GPR107: variants seen among roughly 807,000 people sequenced by gnomAD.
GPR107 encodes the protein G protein-coupled receptor 107.
GPR107 carries 31 observed loss-of-function variants against 75.5 expected under a neutral mutation model. The observed-to-expected ratio is 0.41, with a 90% CI of 0.31 to 0.55. GPR107 has a LOEUF of 0.55. Ranked by LOEUF, GPR107 falls within the 20% of genes least tolerant of loss-of-function variation. GPR107 has a pLI of 0.26. For synonymous variants in GPR107, 267 were observed against 251.3 expected, an observed-to-expected ratio of 1.06 and a Z score of -0.59; for missense variants, 572 against 665.7, an observed-to-expected ratio of 0.86 and a Z score of 1.55.
At position 130,137,850 on chromosome 9, in the gene GPR107, T is replaced by C. The variant is rs948815774; in HGVS notation, c.*2729T>C. Reference sequence around the variant, plus strand: ...AGTATTTCAGATCGGGCAAAAAATATCGGATGCACATAGCAGAACCATTGG... The same window carrying C: ...AGTATTTCAGATCGGGCAAAAAATACCGGATGCACATAGCAGAACCATTGG... On this transcript the variant is annotated 3_prime_UTR_variant, in exon 18 of 18. Coordinates refer to ENST00000347136, the MANE Select transcript of GPR107 (RefSeq NM_020960.5). 1 of 152,270 alleles carries C rather than the reference T, an allele frequency of 6.6e-6. No individual in the cohort carries two copies. The highest frequency in any genetic ancestry group is 2.4e-5 in the African/African-American group (1 of 41,472). 9.4% of individuals were successfully genotyped at this position (152,270 alleles called of 1,614,324 possible). A position where few individuals can be genotyped will look rare whatever the true frequency, so the allele number is the denominator to read the frequency against.
chr9:130,098,715 A>G (rs997700666), intron 9 of GPR107, among the ~76,000 whole-genome samples: 3 of 152,186 alleles, frequency 2.0e-5, no homozygotes, highest in African/African-American at 7.2e-5. Flanking sequence ...AACGTACTTT[A>G]TAAAAAAAGT....
At chr9:130,064,030 C>T (rs540388381) in intron 1 of GPR107, among the ~76,000 whole-genome samples, 33 of 151,554 alleles carry the variant, frequency 2.2e-4, no homozygotes, top group African/African-American at 8.0e-4. Context: ...GTCTCGAACT[C>T]CTGACCTCAG....
At chr9:130,087,730 G>A (rs1157830820) in intron 7 of GPR107, among the ~76,000 whole-genome samples, 2 of 150,798 alleles carry the variant, frequency 1.3e-5, no homozygotes, top group African/African-American at 4.9e-5. Context: ...TTGAGCCTGG[G>A]GGGTCAAGGT....
chr9:130,095,873 A>T (rs569277877), intron 9 of GPR107, among the ~76,000 whole-genome samples: 1 of 152,208 alleles, frequency 6.6e-6, no homozygotes, highest in Non-Finnish European at 1.5e-5. Flanking sequence ...ATATAAAGGC[A>T]TATGACCAAG....
At chr9:130,066,295 G>A (rs1830066796) in intron 1 of GPR107, among the ~76,000 whole-genome samples, 1 of 151,878 alleles carries the variant, frequency 6.6e-6, no homozygotes, top group South Asian at 2.1e-4. Flanking sequence ...GTGAAACTCT[G>A]TCCCAAGAAA....
At chr9:130,067,766 A>T (rs1830103605) in intron 1 of GPR107, among the ~76,000 whole-genome samples, 1 of 19,112 alleles carries the variant, frequency 5.2e-5, no homozygotes, top group Admixed American at 7.9e-4. Flanking sequence ...TTTTTTTTTG[A>T]GACAGTCTCA....
chr9:130,092,773 G>A (rs557392246), intron 9 of GPR107, among the ~76,000 whole-genome samples: 23 of 152,012 alleles, frequency 1.5e-4, no homozygotes, highest in Middle Eastern at 3.4e-3. Flanking sequence ...CCGCCACCAC[G>A]CCCGCCTAAT....
intron 1 of GPR107, among the ~76,000 whole-genome samples, chr9:130,072,223 A>ATTTTTTTTTTTTTTTTTT (rs1204270335): frequency 7.4e-6 from 1 of 135,052 alleles, no homozygotes; most frequent in African/African-American, 2.7e-5. Context: ...TATTTATTTA[A>ATTTTTTTTTTTTTTTTTT]TTTTTTTTTT....
intron 17 of GPR107, chr9:130,133,338 T>C (rs781842472): frequency 1.3e-5 from 2 of 152,284 alleles, no homozygotes; most frequent in South Asian, 4.1e-4. Flanking sequence ...GTGAATGCGC[T>C]TTGCCTCTTA....
At chr9:130,119,820 T>G (rs920266388) in intron 14 of GPR107, among the ~76,000 whole-genome samples, 8 of 44,652 alleles carry the variant, frequency 1.8e-4, no homozygotes, top group African/African-American at 7.6e-4. Flanking sequence ...TTTAGTCTGT[T>G]TTTTTTGTTT....
chr9:130,079,486 G>A (rs1589495040), intron 4 of GPR107, 144 bp from the exon 5 acceptor site: 1 of 565,280 alleles, frequency 1.8e-6, no homozygotes, highest in East Asian at 3.1e-5. Context: ...CTCAGTTTTG[G>A]TATCTGTAGA....
intron 1 of GPR107, among the ~76,000 whole-genome samples, chr9:130,062,659 T>A (rs1363648976): frequency 2.7e-4 from 13 of 47,826 alleles, no homozygotes; most frequent in African/African-American, 9.2e-4. Flanking sequence ...CCTGCCTGCC[T>A]GCCTTCCTTC....
intron 1 of GPR107, among the ~76,000 whole-genome samples, chr9:130,063,830 G>C (rs7032251): frequency 2.1e-5 from 3 of 143,194 alleles, no homozygotes; most frequent in Non-Finnish European, 3.0e-5. Context: ...TTTTTTTGAG[G>C]GTCATACTCT....
intron 7 of GPR107, among the ~76,000 whole-genome samples, chr9:130,087,762 T>C (rs949966806): frequency 7.4e-6 from 1 of 135,040 alleles, no homozygotes; most frequent in Non-Finnish European, 1.5e-5. Context: ...ACCTCGATCA[T>C]GCCACTGCAC....
At chr9:130,132,784 T>G (rs2132661138) in intron 17 of GPR107, among the ~76,000 whole-genome samples, 2 of 147,050 alleles carry the variant, frequency 1.4e-5, no homozygotes, top group Admixed American at 1.4e-4. Flanking sequence ...AGACTTCATC[T>G]CAAAAAATCA....
Position 130,076,482 on chromosome 9 carries a change from C to T in GPR107, c.306+20C>T, listed in dbSNP as rs370049356. ...TACCTGGTGAGTATTAAATGTGTGA[C>T]CTGATTCATCTCTTCACCTGAGCCC... On this transcript the variant is annotated intron_variant, in intron 3 of 17. Transcript: ENST00000347136. The T allele has an allele frequency of 1.2e-4, 180 of 1,441,166 alleles. No individual in the cohort carries two copies. Among genetic ancestry groups the T allele is most frequent in the Non-Finnish European group, 1.7e-4 (170 of 1,022,284 alleles). 89.3% of individuals were successfully genotyped at this position (1,441,166 alleles called of 1,614,324 possible). A position where few individuals can be genotyped will look rare whatever the true frequency, so the allele number is the denominator to read the frequency against.
chr9:130,072,720 TG>T (rs967924953), intron 1 of GPR107, among the ~76,000 whole-genome samples: 3 of 151,724 alleles, frequency 2.0e-5, no homozygotes, highest in East Asian at 1.9e-4. Flanking sequence ...CTATTTATGT[TG>T]GGGGGGGAAC....
chr9:130,100,245 T>G (rs1289827583), intron 10 of GPR107, among the ~76,000 whole-genome samples: 3 of 152,206 alleles, frequency 2.0e-5, no homozygotes, highest in Non-Finnish European at 2.9e-5. Flanking sequence ...CTCTGTGATT[T>G]GAAGTTCAAT....
chr9:130,124,688 C>G (rs954630933), intron 14 of GPR107, among the ~76,000 whole-genome samples: 1 of 152,198 alleles, frequency 6.6e-6, no homozygotes, highest in Non-Finnish European at 1.5e-5. Context: ...CTGTGCAAGC[C>G]AACTCCAGCT....
Sources: allele counts gnomAD v4.1 joint callset (sites outside exome capture counted in the v4.1 genomes callset), GRCh38; gene constraint gnomAD v4.1.1; transcripts MANE v1.5; gene names NCBI Gene and HGNC (gene_info 2026-07-23, HGNC 2026-07-21).